The following MCF2L2 variants were observed in gnomAD, a reference collection of about 807,000 sequenced individuals.
MCF2L2 encodes probable guanine nucleotide exchange factor MCF2L2.
MCF2L2 carries 102 observed loss-of-function variants against 150.2 expected under a neutral mutation model. The observed-to-expected ratio is 0.68, with a 90% confidence interval of 0.58 to 0.80. MCF2L2 has a LOEUF of 0.80. Ranked by LOEUF, MCF2L2 falls within the 30% of genes least tolerant of loss-of-function variation. The pLI is 0.00. For missense variants in MCF2L2, 1,256 were observed against 1,372.8 expected (o/e 0.91, Z 1.34); for synonymous variants, 465 against 491.3 (o/e 0.95, Z 0.71).
Position 183,295,388 on chromosome 3 carries a change from T to A in MCF2L2, c.1587A>T (p.Lys529Asn). The stretch of plus-strand genomic sequence containing the variant: ...CCACAGGTTGCACTGGACGAGTCTG[T>A]TTGGCTGCCAGTTTCATCAGACTCA... Reference protein sequence around the residue: ...RQVSLMKLAAKQTRPVQPVAP... With the variant: ...RQVSLMKLAANQTRPVQPVAP... Residue 529 changes from lysine to asparagine, a missense_variant, in exon 13 of 30, where the codon AAA (lysine) becomes AAT (asparagine). Lys to Asn is a moderately conservative substitution (Grantham distance 94). Transcript: ENST00000328913. The A allele has an allele frequency of 6.2e-7, 1 of 1,614,100 alleles. No homozygotes were observed. Among genetic ancestry groups the A allele is most frequent in the Non-Finnish European group, 8.5e-7 (1 of 1,179,980 alleles).
chr3:183,407,034 T>C (rs1318448123), intron 1 of MCF2L2, among the ~76,000 whole-genome samples: 1 of 152,200 alleles, frequency 6.6e-6, no homozygotes, highest in African/African-American at 2.4e-5. Context: ...TTTTTCTATA[T>C]GGGGTGAGGT....
intron 21 of MCF2L2, among the ~76,000 whole-genome samples, chr3:183,216,994 G>GAA (rs200358888): frequency 1.4e-5 from 2 of 146,604 alleles, no homozygotes; most frequent in African/African-American, 5.0e-5. Flanking sequence ...GGGGCTTACT[G>GAA]AAAAAAAAAA....
At chr3:183,330,668 A>G (rs1030256123) in intron 5 of MCF2L2, among the ~76,000 whole-genome samples, 1 of 152,170 alleles carries the variant, frequency 6.6e-6, no homozygotes, top group African/African-American at 2.4e-5. Context: ...TCAAAAACAA[A>G]TGAGAGGCAG....
At chr3:183,425,100 G>C (rs1716092021) in intron 1 of MCF2L2, among the ~76,000 whole-genome samples, 1 of 152,050 alleles carries the variant, frequency 6.6e-6, no homozygotes, top group Non-Finnish European at 1.5e-5. Context: ...CAGGAGGTTT[G>C]CACAACGGCT....
At chr3:183,240,588 T>G (rs959101804) in intron 15 of MCF2L2, among the ~76,000 whole-genome samples, 2 of 152,202 alleles carry the variant, frequency 1.3e-5, no homozygotes, top group Admixed American at 6.5e-5. Flanking sequence ...CAGAGTTCCT[T>G]CTAAGAGTTT....
intron 6 of MCF2L2, among the ~76,000 whole-genome samples, chr3:183,318,739 G>A (rs971602318): frequency 1.3e-5 from 2 of 152,176 alleles, no homozygotes; most frequent in Non-Finnish European, 1.5e-5. Context: ...ATTCTTTTGT[G>A]TCCTAGTGCA....
chr3:183,243,247 A>G (rs1724108983), intron 15 of MCF2L2, among the ~76,000 whole-genome samples: 1 of 152,126 alleles, frequency 6.6e-6, no homozygotes, highest in Non-Finnish European at 1.5e-5. Context: ...ATGTGAGGAC[A>G]TGAGATTTGG....
chr3:183,215,840 G>A, intron 22 of MCF2L2, 129 bp downstream of exon 22: 2 of 1,134,718 alleles, frequency 1.8e-6, no homozygotes, highest in Non-Finnish European at 2.4e-6. Context: ...GAGCAATTTA[G>A]GCGACTGTCC....
intron 28 of MCF2L2, 55 bp downstream of exon 28, chr3:183,180,016 G>A (rs1284448547): frequency 1.5e-6 from 2 of 1,346,890 alleles, no homozygotes; most frequent in East Asian, 4.6e-5. Flanking sequence ...GGCAGGAGGA[G>A]CTGATGAATA....
chr3:183,206,130 T>G lies in MCF2L2; in HGVS notation c.2797A>C (p.Ile933Leu). ...GAAGGCATGAGCGTTACCTGCAGGA[T>G]GTATTTCTCAAGTCCATTTCGACTG... ...IASRNGLEKY[I>L]LQAASKEIRD... is the part of the protein sequence containing the mutation. Residue 933 changes from isoleucine to leucine, a missense_variant, in exon 24 of 30, where the codon ATC (isoleucine) becomes CTC (leucine). Ile to Leu is a conservative substitution (Grantham distance 5, BLOSUM62 2). Coordinates refer to ENST00000328913, the MANE Select transcript of MCF2L2 (RefSeq NM_015078.4). The G allele has an allele frequency of 5.0e-6, 8 of 1,614,040 alleles. 1 individual carries two copies. Among genetic ancestry groups the G allele is most frequent in the Non-Finnish European group, 6.8e-6 (8 of 1,179,906 alleles).
At chr3:183,245,315 C>T (rs1008294076) in intron 15 of MCF2L2, among the ~76,000 whole-genome samples, 2 of 152,176 alleles carry the variant, frequency 1.3e-5, no homozygotes. Context: ...CTATCCTCTA[C>T]AAGAGGTACA....
At chr3:183,359,507 G>A (rs1167369779) in intron 3 of MCF2L2, among the ~76,000 whole-genome samples, 1 of 152,122 alleles carries the variant, frequency 6.6e-6, no homozygotes, top group African/African-American at 2.4e-5. Flanking sequence ...AACATTTACT[G>A]TCTATGGCCA....
chr3:183,272,725 G>T, intron 15 of MCF2L2: 1 of 1,031,846 alleles, frequency 9.7e-7, no homozygotes, highest in Non-Finnish European at 1.2e-6. Flanking sequence ...CAAGCAACAA[G>T]CTTATAATTA....
At chr3:183,404,932 T>C (rs1354703389) in intron 1 of MCF2L2, among the ~76,000 whole-genome samples, 1 of 152,130 alleles carries the variant, frequency 6.6e-6, no homozygotes, top group Non-Finnish European at 1.5e-5. Flanking sequence ...CCTTGCATCT[T>C]AAAAATAACA....
chr3:183,332,220 G>A (rs1413246231), intron 5 of MCF2L2, among the ~76,000 whole-genome samples: 7 of 152,164 alleles, frequency 4.6e-5, no homozygotes, highest in East Asian at 1.9e-4. Flanking sequence ...AGACTCTGCC[G>A]TTTCTGGAGC....
At chr3:183,232,588 TTATC>T (rs1468733333) in intron 15 of MCF2L2, among the ~76,000 whole-genome samples, 5 of 152,196 alleles carry the variant, frequency 3.3e-5, no homozygotes, top group Admixed American at 2.6e-4. Flanking sequence ...TATTGATGGA[TTATC>T]TATTAAATGG....
chr3:183,264,792 T>A (rs1179232260), intron 15 of MCF2L2, among the ~76,000 whole-genome samples: 1 of 152,228 alleles, frequency 6.6e-6, no homozygotes, highest in Non-Finnish European at 1.5e-5. Flanking sequence ...GTGTTCTAAC[T>A]AGTTTTTTCC....
chr3:183,360,807 T>C (rs958813932), intron 3 of MCF2L2, among the ~76,000 whole-genome samples: 7 of 151,720 alleles, frequency 4.6e-5, no homozygotes, highest in African/African-American at 1.7e-4. Context: ...TCATCTCTAC[T>C]AAAAATAGAA....
chr3:183,248,405 G>T (rs563572599), intron 15 of MCF2L2, among the ~76,000 whole-genome samples: 16 of 152,302 alleles, frequency 1.1e-4, no homozygotes, highest in African/African-American at 3.1e-4. Context: ...GTATTAAAGA[G>T]TACTCAATGT....
Sources: allele counts gnomAD v4.1 joint callset (sites outside exome capture counted in the v4.1 genomes callset), GRCh38; gene constraint gnomAD v4.1.1; transcripts MANE v1.5; gene names NCBI Gene and HGNC (gene_info 2026-07-23, HGNC 2026-07-21).